TUT7: variants seen among roughly 807,000 people sequenced by gnomAD.
TUT7 encodes the protein terminal uridylyl transferase 7.
A neutral mutation model predicts 165.9 loss-of-function variants in TUT7; 33 were observed. The observed-to-expected ratio is 0.20, with a 90% CI of 0.15 to 0.27. The LOEUF (loss-of-function observed/expected upper bound fraction) is 0.27, where lower values mean the gene tolerates loss of function less well. TUT7 is among the 10% of genes least tolerant of loss of function. The probability of loss-of-function intolerance (pLI) is 1.00; values close to 1 mark genes in which losing one functional copy is unlikely to be tolerated. For synonymous variants in TUT7, 552 were observed against 608.1 expected (o/e 0.91, Z 1.36); for missense variants, 1,338 against 1,762.3 (o/e 0.76, Z 4.31).
At chr9:86,296,547 G>A (rs1826335649) in intron 26 of TUT7, among the ~76,000 whole-genome samples, 1 of 152,198 alleles carries the variant, frequency 6.6e-6, no homozygotes, top group Non-Finnish European at 1.5e-5. Context: ...AGGAAAGGAT[G>A]GGGGTAGGTA....
intron 5 of TUT7, chr9:86,344,758 G>C (rs1026160134): frequency 1.2e-5 from 6 of 515,712 alleles, no homozygotes; most frequent in Non-Finnish European, 2.0e-5. Flanking sequence ...TTCACACACA[G>C]GGTAAAATTT....
rs139299295 is a variant in TUT7, at chr9:86,323,683, G to T, written c.2067C>A (p.Thr689=). 2 of 1,614,060 alleles carry T rather than the reference G, an allele frequency of 1.2e-6. No individual in the cohort carries two copies. Among genetic ancestry groups the T allele is most frequent in the African/African-American group, 2.7e-5 (2 of 74,938 alleles). ...GPGATSSAAN[T]CKVQPLTLKE... is the part of the protein sequence containing the mutation. ...TAAGAGTAAGTGGCTGTACCTTACAGGTATTTGCAGCTGAACTGGTAGCAC... is the reference window on the plus strand; with the variant it reads ...TAAGAGTAAGTGGCTGTACCTTACATGTATTTGCAGCTGAACTGGTAGCAC... Residue 689 remains threonine, a synonymous_variant, in exon 13 of 27, where the codon ACC becomes ACA. Coordinates refer to ENST00000375963, the MANE Select transcript of TUT7 (RefSeq NM_024617.4).
intron 14 of TUT7, 112 bp downstream of exon 14, chr9:86,322,213 T>G (rs546289152): frequency 1.1e-6 from 1 of 933,270 alleles, no homozygotes; most frequent in South Asian, 1.7e-5. Flanking sequence ...GAGAATGGAA[T>G]AGACTTGGTC....
rs1459377211 is a variant in TUT7 at position 86,288,566 on chromosome 9, A to C, written c.*111T>G. On this transcript the variant is annotated 3_prime_UTR_variant, in exon 27 of 27. Coordinates refer to ENST00000375963, the MANE Select transcript of TUT7 (RefSeq NM_024617.4). ...AAAAAAAAATCTGACATTTCCCTTAAATGTTAAGTTGAAGCCTGATCTACA... is the reference window on the plus strand; with the variant it reads ...AAAAAAAAATCTGACATTTCCCTTACATGTTAAGTTGAAGCCTGATCTACA... The C allele has an allele frequency of 1.5e-6, 1 of 680,266 alleles. No homozygotes were observed. The highest frequency in any genetic ancestry group is 2.9e-5 in the East Asian group (1 of 34,028). 42.1% of individuals were successfully genotyped at this position (680,266 alleles called of 1,614,324 possible).
At chr9:86,328,056 C>A (rs897585993) in intron 11 of TUT7, among the ~76,000 whole-genome samples, 1 of 152,144 alleles carries the variant, frequency 6.6e-6, no homozygotes, top group African/African-American at 2.4e-5. Flanking sequence ...CATAATACCA[C>A]CTAAGACTAA....
intron 17 of TUT7, among the ~76,000 whole-genome samples, chr9:86,315,719 T>C (rs901536541): frequency 1.3e-5 from 2 of 151,622 alleles, no homozygotes; most frequent in Non-Finnish European, 2.9e-5. Context: ...TTTACTTCAA[T>C]GACCAAAGAA....
chr9:86,323,358 T>C lies in TUT7; in HGVS notation c.2392A>G (p.Lys798Glu), dbSNP rs1186778073. 6.2e-7 allele frequency: 1 copy of C among 1,614,176 alleles called. No homozygotes were observed. The highest frequency in any genetic ancestry group is 1.7e-5 in the Admixed American group (1 of 60,024). The change falls in exon 13 of 27, where the codon AAA (lysine) becomes GAA (glutamate). Residue 798 changes from lysine to glutamate, a missense_variant. Physicochemically the swap from Lys to Glu is moderately conservative, Grantham distance 56. This residue lies in a region of TUT7 where 425 missense variants were observed against 474.9 expected (regional missense o/e 0.89). Transcript: ENST00000375963. ...AAAGTGGCAAGTCCCTCACACTCTT[T>C]AGCTGTGGGATTTTGGAAGCCTTCT... ...DLEGFQNPTA[K>E]ECEGLATLDN...
intron 2 of TUT7, among the ~76,000 whole-genome samples, chr9:86,348,972 A>G (rs1832026877): frequency 6.6e-6 from 1 of 152,078 alleles, no homozygotes. Context: ...TGGAGGGTAA[A>G]GCTAGGTACT....
rs1480306629 is a variant in TUT7 at position 86,309,194 on chromosome 9, T to C, written c.3660+18A>G. On this transcript the variant is annotated intron_variant, in intron 21 of 26. Coordinates refer to ENST00000375963, the MANE Select transcript of TUT7 (RefSeq NM_024617.4). ...TTAGTCAAGGATATAGGAAAATCTT[T>C]ACTCTTAAAATACGTACCAGTTCAT... The C allele has an allele frequency of 2.7e-6, 4 of 1,492,092 alleles. No homozygotes were observed. Among genetic ancestry groups the C allele is most frequent in the Admixed American group, 3.6e-5 (2 of 54,896 alleles). 92.4% of individuals were successfully genotyped at this position (1,492,092 alleles called of 1,614,324 possible). A position where few individuals can be genotyped will look rare whatever the true frequency, so the allele number is the denominator to read the frequency against.
At chr9:86,328,796 C>T (rs572971872) in intron 10 of TUT7, among the ~76,000 whole-genome samples, 2 of 152,278 alleles carry the variant, frequency 1.3e-5, no homozygotes, top group East Asian at 1.9e-4. Flanking sequence ...TCCCAAATCT[C>T]AGCTCCTTCA....
At chr9:86,350,175 A>G (rs748519753) in intron 2 of TUT7, among the ~76,000 whole-genome samples, 1 of 152,118 alleles carries the variant, frequency 6.6e-6, no homozygotes, top group Non-Finnish European at 1.5e-5. Context: ...TACTAAAAAT[A>G]CAAAAATTAG....
At chr9:86,348,577 A>G (rs1365352932) in intron 2 of TUT7, among the ~76,000 whole-genome samples, 1 of 152,022 alleles carries the variant, frequency 6.6e-6, no homozygotes, top group African/African-American at 2.4e-5. Flanking sequence ...ACATAGTGAG[A>G]TGTCATCTCT....
chr9:86,319,800 C>CA lies in TUT7; in HGVS notation c.3029-131_3029-130insT, dbSNP rs1160110039. 1.3e-4 allele frequency: 85 copies of CA among 667,358 alleles called. No individual in the cohort carries two copies. The African/African-American group carries it at 1.5e-3, about 12-fold the overall frequency. 41.3% of individuals were successfully genotyped at this position (667,358 alleles called of 1,614,324 possible). On this transcript the variant is annotated intron_variant, in intron 14 of 26. Transcript: ENST00000375963. ...TTTAAAAATTCCTAAATCATTGTGT[C>CA]TTCTCAGTAGATAGCATTAACAAGG...
At chr9:86,305,623 A>C (rs1008705435) in intron 22 of TUT7, among the ~76,000 whole-genome samples, 2 of 152,220 alleles carry the variant, frequency 1.3e-5, no homozygotes, top group African/African-American at 4.8e-5. Context: ...TAATGACACT[A>C]GTTTTGGATG....
intron 25 of TUT7, chr9:86,301,931 G>A (rs748686064): frequency 1.2e-4 from 99 of 833,498 alleles, no homozygotes; most frequent in Non-Finnish European, 1.4e-4. Flanking sequence ...TTTCTTGAAC[G>A]GCCTTTCTGG....
At chr9:86,306,211 G>A (rs1428343903) in intron 22 of TUT7, among the ~76,000 whole-genome samples, 1 of 152,100 alleles carries the variant, frequency 6.6e-6, no homozygotes, top group Admixed American at 6.6e-5. Flanking sequence ...AGAAAATGAA[G>A]GACTGCATGG....
At chr9:86,313,903 A>G (rs1828467687) in intron 17 of TUT7, among the ~76,000 whole-genome samples, 1 of 152,202 alleles carries the variant, frequency 6.6e-6, no homozygotes, top group African/African-American at 2.4e-5. Context: ...AAGTAGGTAG[A>G]AGACATTTCA....
chr9:86,352,457 G>A (rs1355506988), intron 2 of TUT7: 9 of 614,450 alleles, frequency 1.5e-5, no homozygotes, highest in South Asian at 4.0e-5. Context: ...TGAGCCCTGG[G>A]GCAAAGTAAA....
At chr9:86,352,014 A>G (rs551098208) in intron 2 of TUT7, among the ~76,000 whole-genome samples, 1 of 152,264 alleles carries the variant, frequency 6.6e-6, no homozygotes, top group Non-Finnish European at 1.5e-5. Flanking sequence ...CCTTTGGGGC[A>G]ATTAACCAAG....
Sources: allele counts gnomAD v4.1 joint callset (sites outside exome capture counted in the v4.1 genomes callset), GRCh38; gene constraint gnomAD v4.1.1; regional missense constraint gnomAD v4.1.1; transcripts MANE v1.5; gene names NCBI Gene and HGNC (gene_info 2026-07-23, HGNC 2026-07-21).